ABR: variants seen among roughly 807,000 people sequenced by gnomAD.
ABR encodes active breakpoint cluster region-related protein.
Under a neutral mutation model 107.2 loss-of-function variants are expected in ABR, and 35 were observed. That is an observed-to-expected ratio of 0.33 (90% CI 0.25 to 0.43). The LOEUF is 0.43. Ranked by LOEUF, ABR falls within the 20% of genes least tolerant of loss-of-function variation. ABR has a pLI of 1.00. For synonymous variants in ABR, 498 were observed against 462.0 expected, an observed-to-expected ratio of 1.08 and a Z score of -1.00; for missense variants, 815 against 1,115.2, an observed-to-expected ratio of 0.73 and a Z score of 3.83.
At chr17:1,077,392 G>A (rs2035820312) in intron 6 of ABR, among the ~76,000 whole-genome samples, 1 of 152,206 alleles carries the variant, frequency 6.6e-6, no homozygotes, top group Non-Finnish European at 1.5e-5. Flanking sequence ...GGGGAAGGGA[G>A]AGGAAGCCAA....
chr17:1,139,408 T>C (rs907011154), intron 1 of ABR, among the ~76,000 whole-genome samples: 5 of 152,204 alleles, frequency 3.3e-5, no homozygotes, highest in Non-Finnish European at 5.9e-5. Flanking sequence ...CCTGCCATCA[T>C]GCCCGGCTAA....
At chr17:1,195,665 G>C (rs528326524) in intron 1 of ABR, among the ~76,000 whole-genome samples, 40 of 150,784 alleles carry the variant, frequency 2.7e-4, no homozygotes, top group Middle Eastern at 3.4e-3. Flanking sequence ...TTAGCCGGGC[G>C]TGGTGGTGGG....
chr17:1,108,985 C>G, intron 2 of ABR: 1 of 1,598,368 alleles, frequency 6.3e-7, no homozygotes, highest in African/African-American at 1.4e-5. Flanking sequence ...TCGGGGTTCC[C>G]AGCTCGCACT....
intron 9 of ABR, 21 bp downstream of exon 9, chr17:1,069,948 C>A: frequency 6.5e-7 from 1 of 1,540,302 alleles, no homozygotes; most frequent in Non-Finnish European, 8.8e-7. Flanking sequence ...CCGCCCCGTG[C>A]CCCTGGACTC....
At chr17:1,204,377 AGAGGTTGCAGTGAGCC>A (rs2042747848) in intron 1 of ABR, among the ~76,000 whole-genome samples, 1 of 152,176 alleles carries the variant, frequency 6.6e-6, no homozygotes, top group African/African-American at 2.4e-5. Context: ...CCCGGGAGGC[AGAGGTTGCAGTGAGCC>A]GAGATTGCGC....
intron 16 of ABR, among the ~76,000 whole-genome samples, chr17:1,024,735 G>A (rs566566185): frequency 3.1e-4 from 45 of 146,362 alleles, no homozygotes; most frequent in African/African-American, 6.9e-4. Context: ...GCAGTGAGCC[G>A]AGATGGTGCC....
Position 1,139,405 on chromosome 17 carries a change from T to C in ABR, c.62-14038A>G, listed in dbSNP as rs201713596. 9.2e-5 allele frequency among the ~76,000 whole-genome samples: 14 copies of C among 152,132 alleles called. No homozygotes were observed. The East Asian group carries it at 1.5e-3, about 17-fold the overall frequency. On this transcript the variant is annotated intron_variant, in intron 1 of 22. Coordinates refer to ENST00000302538, the MANE Select transcript of ABR (RefSeq NM_021962.5). ...TAGCTGGGACTACAGGTGCCTGCCA[T>C]CATGCCCGGCTAATTTTTTTGTATT...
chr17:1,216,656 A>C (rs1270886411), intron 1 of ABR, among the ~76,000 whole-genome samples: 2 of 152,164 alleles, frequency 1.3e-5, no homozygotes, highest in African/African-American at 4.8e-5. Flanking sequence ...ACATCAGCAG[A>C]CTGCACTTAG....
intron 1 of ABR, among the ~76,000 whole-genome samples, chr17:1,215,047 C>G (rs906701569): frequency 6.6e-6 from 1 of 151,714 alleles, no homozygotes; most frequent in Non-Finnish European, 1.5e-5. Flanking sequence ...TGGCAAAACC[C>G]CATTTCTACA....
chr17:1,041,807 C>T (rs945336447), intron 16 of ABR, among the ~76,000 whole-genome samples: 4 of 152,096 alleles, frequency 2.6e-5, no homozygotes, highest in Admixed American at 1.3e-4. Flanking sequence ...AGGTTGTTCC[C>T]GCGGCCTCAG....
intron 16 of ABR, among the ~76,000 whole-genome samples, chr17:1,045,335 T>TAGTAGGACAATCTTCCATCTTCTTAC (rs2031395297): frequency 6.7e-6 from 1 of 149,606 alleles, no homozygotes; most frequent in South Asian, 2.2e-4. Flanking sequence ...CATCTTCTTA[T>TAGTAGGACAATCTTCCATCTTCTTAC]AGCAGGACAA....
chr17:1,102,629 C>T (rs981392226), intron 2 of ABR, among the ~76,000 whole-genome samples: 11 of 152,212 alleles, frequency 7.2e-5, no homozygotes, highest in African/African-American at 2.4e-4. Flanking sequence ...GCCGTATGGC[C>T]GCAGGCTGGA....
chr17:1,159,406 G>A lies in ABR; in HGVS notation c.61+20261C>T, dbSNP rs76836206. On this transcript the variant is annotated intron_variant, in intron 1 of 22. Transcript: ENST00000302538. ...GCGGTACTCACACACGGGAGAAGTAGGAATGCGGTACTCACACACGGGAGA... is the reference window on the plus strand; with the variant it reads ...GCGGTACTCACACACGGGAGAAGTAAGAATGCGGTACTCACACACGGGAGA... 8.7e-5 allele frequency among the ~76,000 whole-genome samples: 4 copies of A among 45,846 alleles called. 1 individual carries two copies. The highest frequency in any genetic ancestry group is 1.9e-4 in the African/African-American group (2 of 10,610). 30.1% of individuals were successfully genotyped at this position (45,846 alleles called of 152,430 possible).
At position 1,004,650 on chromosome 17, in the gene ABR, CA is replaced by C. The variant is rs1386341863; in HGVS notation, c.*1429del. The C allele has an allele frequency of 5.7e-6, 1 of 176,540 alleles. No individual in the cohort carries two copies. The highest frequency in any genetic ancestry group is 2.4e-5 in the African/African-American group (1 of 42,538). The allele number at this position is 176,540 out of a possible 1,614,324, so 10.9% of individuals were successfully genotyped here. On this transcript the variant is annotated 3_prime_UTR_variant, in exon 23 of 23. Transcript: ENST00000302538. ...CACCTCACTCCTTCCTAGTACCGGG[CA>C]ATGCGTCTGCAAGTCGGGTCCCTGC... is the stretch of plus-strand genomic sequence containing the variant.
chr17:1,179,912 AAACCCTCCCG>A lies in ABR; in HGVS notation c.-195_-186del, dbSNP rs1305681064. 13 of 503,420 alleles carry A rather than the reference AAACCCTCCCG, an allele frequency of 2.6e-5. No homozygotes were observed. Among genetic ancestry groups the A allele is most frequent in the African/African-American group, 1.9e-4 (9 of 47,480 alleles). The allele number at this position is 503,420 out of a possible 1,614,324, so 31.2% of individuals were successfully genotyped here. A position where few individuals can be genotyped will look rare whatever the true frequency, so the allele number is the denominator to read the frequency against. ...GGCGAGGGCGGGGCGGGAGCCCCCA[AAACCCTCCCG>A]AACCCTCCCGGCCCCAGCGGCCGCG... On this transcript the variant is annotated 5_prime_UTR_variant, in exon 1 of 23. Transcript: ENST00000302538. This position sits in a 1 kb window ranked among gnomAD's most constrained non-coding sequence, Gnocchi z 4.9.
intron 16 of ABR, among the ~76,000 whole-genome samples, chr17:1,021,035 G>A (rs1170041300): frequency 6.6e-6 from 1 of 152,150 alleles, no homozygotes; most frequent in Non-Finnish European, 1.5e-5. Flanking sequence ...AAGGTCTTCG[G>A]AGATGGTTTC....
In ABR at chr17:1,092,925, T is replaced by C. The variant is rs1168608335; in HGVS notation, c.346-1075A>G. ...GGCTCCGCCTCCCGGGTTCACGCCATTCTCCTGCCTCAGCCTCCCAAGTAA... is the reference window on the plus strand; with the variant it reads ...GGCTCCGCCTCCCGGGTTCACGCCACTCTCCTGCCTCAGCCTCCCAAGTAA... On this transcript the variant is annotated intron_variant, in intron 3 of 22. Transcript: ENST00000302538. This position sits in a 1 kb window ranked among gnomAD's most constrained non-coding sequence, Gnocchi z 4.6. Among the ~76,000 whole-genome samples, 1 of 136,682 alleles carries C rather than the reference T, an allele frequency of 7.3e-6. No individual in the cohort carries two copies. The highest frequency in any genetic ancestry group is 1.6e-5 in the Non-Finnish European group (1 of 62,364). 89.7% of individuals were successfully genotyped at this position (136,682 alleles called of 152,430 possible).
At chr17:1,041,128 C>A (rs1466834892) in intron 16 of ABR, among the ~76,000 whole-genome samples, 2 of 152,012 alleles carry the variant, frequency 1.3e-5, no homozygotes, top group African/African-American at 4.8e-5. Flanking sequence ...CCATGTTGGC[C>A]AGGCTGGTCT....
intron 1 of ABR, among the ~76,000 whole-genome samples, chr17:1,175,367 G>A (rs538157360): frequency 2.6e-5 from 4 of 152,126 alleles, no homozygotes; most frequent in Admixed American, 6.5e-5. Flanking sequence ...AGCCGAGATC[G>A]CACCGCCGCA....
Sources: gnomAD v4.1 joint callset for allele counts (sites outside exome capture counted in the v4.1 genomes callset) on GRCh38, gnomAD v4.1.1 for gene constraint, Gnocchi (gnomAD v3.1) non-coding constraint, MANE v1.5 for transcripts, NCBI Gene and HGNC (gene_info 2026-07-23, HGNC 2026-07-21) for gene names.